SPOPL: variants seen among roughly 807,000 people sequenced by gnomAD.
SPOPL encodes the protein speckle type BTB/POZ protein like, also known as speckle-type POZ protein-like.
A neutral mutation model predicts 53.8 loss-of-function variants in SPOPL; 23 were observed. The observed-to-expected ratio is 0.43, with a 90% CI of 0.31 to 0.61. The LOEUF is 0.61. Ranked by LOEUF, SPOPL falls within the 20% of genes least tolerant of loss-of-function variation. The pLI is 0.12. For synonymous variants in SPOPL, 164 were observed against 149.7 expected (o/e 1.10, Z -0.70); for missense variants, 442 against 466.9 (o/e 0.95, Z 0.49).
intron 1 of SPOPL, among the ~76,000 whole-genome samples, chr2:138,542,891 G>A (rs913432656): frequency 1.3e-5 from 2 of 152,126 alleles, no homozygotes; most frequent in African/African-American, 4.8e-5. Flanking sequence ...TCCTTTCCAT[G>A]TTTAGCGCTT....
intron 5 of SPOPL, among the ~76,000 whole-genome samples, chr2:138,556,866 A>G (rs908981427): frequency 6.6e-6 from 1 of 152,168 alleles, no homozygotes; most frequent in Non-Finnish European, 1.5e-5. Flanking sequence ...CCGTAAAGAA[A>G]GGAATCTGGG....
chr2:138,545,728 C>T (rs545618201), intron 1 of SPOPL, among the ~76,000 whole-genome samples: 10 of 152,226 alleles, frequency 6.6e-5, no homozygotes, highest in East Asian at 5.8e-4. Context: ...CGTGAGCCAC[C>T]GCGCCCGGCC....
intron 8 of SPOPL, among the ~76,000 whole-genome samples, chr2:138,563,657 C>T (rs868112335): frequency 7.9e-5 from 12 of 152,132 alleles, no homozygotes; most frequent in Non-Finnish European, 1.5e-4. Context: ...TTAGGGCTCT[C>T]GTGTGCTGTT....
At chr2:138,565,594 A>G (rs576379738) in intron 10 of SPOPL, among the ~76,000 whole-genome samples, 1 of 152,100 alleles carries the variant, frequency 6.6e-6, no homozygotes, top group South Asian at 2.1e-4. Flanking sequence ...TGACTTTTAT[A>G]TTCTTTGTTA....
At chr2:138,554,530 A>T (rs1685381500) in intron 5 of SPOPL, 19 of 1,283,844 alleles carry the variant, frequency 1.5e-5, no homozygotes, top group Non-Finnish European at 1.9e-5. Context: ...GTGGTGCTGT[A>T]GACAGGTAAG....
At chr2:138,505,594 TAA>T (rs1169614974) in intron 1 of SPOPL, among the ~76,000 whole-genome samples, 25 of 75,082 alleles carry the variant, frequency 3.3e-4, no homozygotes, top group African/African-American at 1.1e-3. Flanking sequence ...GTGTCTCTTC[TAA>T]AAAAAAAAAA....
chr2:138,550,447 G>A (rs550901350), intron 2 of SPOPL, 36 bp from the exon 3 acceptor site: 16 of 1,596,314 alleles, frequency 1.0e-5, no homozygotes, highest in East Asian at 9.0e-5. Flanking sequence ...AAGTATTACC[G>A]TCATCATTAT....
At chr2:138,558,316 C>A (rs954260091) in intron 5 of SPOPL, among the ~76,000 whole-genome samples, 1 of 151,940 alleles carries the variant, frequency 6.6e-6, no homozygotes, top group African/African-American at 2.4e-5. Context: ...GTAATCATAC[C>A]TTTTATTGAT....
chr2:138,532,450 A>G (rs569227230), intron 1 of SPOPL, among the ~76,000 whole-genome samples: 2 of 116,588 alleles, frequency 1.7e-5, no homozygotes, highest in East Asian at 2.7e-4. Flanking sequence ...TTTTTGAGAT[A>G]GAATCTCGCT....
At position 138,565,883 on chromosome 2, in the gene SPOPL, G is replaced by T. The variant is rs536350551; in HGVS notation, c.1034+890G>T. 2.6e-5 allele frequency among the ~76,000 whole-genome samples: 4 copies of T among 151,818 alleles called. No individual in the cohort carries two copies. The South Asian group carries it at 8.3e-4, about 32-fold the overall frequency. On this transcript the variant is annotated intron_variant, in intron 10 of 10. Transcript: ENST00000280098. The stretch of plus-strand genomic sequence containing the variant: ...CAAGTAGCTGGAACTACAGGCGCCC[G>T]CCACCACACCTGGCTCATTTTTTTG...
intron 1 of SPOPL, among the ~76,000 whole-genome samples, chr2:138,538,645 C>A (rs1161069736): frequency 6.6e-6 from 1 of 152,100 alleles, no homozygotes; most frequent in Non-Finnish European, 1.5e-5. Flanking sequence ...TGGATCACTT[C>A]TTCAGTGCTT....
intron 1 of SPOPL, among the ~76,000 whole-genome samples, chr2:138,530,883 C>T (rs1481484313): frequency 6.6e-6 from 1 of 151,340 alleles, no homozygotes; most frequent in East Asian, 1.9e-4. Context: ...GGTCTTCTTG[C>T]CTCATTCCCG....
chr2:138,559,743 A>G (rs1685504771), intron 7 of SPOPL, among the ~76,000 whole-genome samples: 1 of 152,186 alleles, frequency 6.6e-6, no homozygotes, highest in East Asian at 1.9e-4. Context: ...ATTATTGTAT[A>G]CCAACTGTAA....
chr2:138,511,608 A>AT (rs1411135913), intron 1 of SPOPL, among the ~76,000 whole-genome samples: 9 of 152,176 alleles, frequency 5.9e-5, no homozygotes, highest in Non-Finnish European at 1.2e-4. Flanking sequence ...ATGGATTATT[A>AT]TTTTATGTAC....
Position 138,550,297 on chromosome 2 carries a change from A to G in SPOPL, c.78+3A>G, listed in dbSNP as rs529281248. ...CAGAAAGCTGGTGTTACACACAGGT[A>G]CATGCTCTTAAAAATCCCTCACTTT... On this transcript the variant is annotated splice_donor_region_variant and intron_variant, in intron 2 of 10. Transcript: ENST00000280098. 1.9e-5 allele frequency: 31 copies of G among 1,613,584 alleles called. No homozygotes were observed. In the Admixed American group the frequency reaches 4.3e-4, roughly 23 times the overall value.
At chr2:138,508,999 G>T (rs1013666452) in intron 1 of SPOPL, among the ~76,000 whole-genome samples, 1 of 152,048 alleles carries the variant, frequency 6.6e-6, no homozygotes, top group African/African-American at 2.4e-5. Flanking sequence ...AAGAGGTCAG[G>T]ATAATTATTA....
At chr2:138,546,515 G>A (rs1251344585) in intron 1 of SPOPL, among the ~76,000 whole-genome samples, 1 of 152,184 alleles carries the variant, frequency 6.6e-6, no homozygotes, top group Admixed American at 6.5e-5. Context: ...GACTTTGGGA[G>A]ATCTTTGTCT....
rs886438425 is a variant in SPOPL, at chr2:138,521,885, G to A, written c.-61+19766G>A. On this transcript the variant is annotated intron_variant, in intron 1 of 10. Transcript: ENST00000280098. The stretch of plus-strand genomic sequence containing the variant: ...AGCATAGTACCCAAGTAAAATGGAA[G>A]ACTTATTCAGAGATGGAGGACAAAT... 2.6e-5 allele frequency among the ~76,000 whole-genome samples: 4 copies of A among 152,282 alleles called. 1 individual carries two copies. The highest frequency in any genetic ancestry group is 9.6e-5 in the African/African-American group (4 of 41,562).
At chr2:138,548,691 T>C (rs1685249381) in intron 1 of SPOPL, among the ~76,000 whole-genome samples, 1 of 152,138 alleles carries the variant, frequency 6.6e-6, no homozygotes, top group Non-Finnish European at 1.5e-5. Flanking sequence ...AAATTAGTTA[T>C]ATGTGCTATA....
Sources: allele counts gnomAD v4.1 joint callset (sites outside exome capture counted in the v4.1 genomes callset), GRCh38; gene constraint gnomAD v4.1.1; transcripts MANE v1.5; gene names NCBI Gene and HGNC (gene_info 2026-07-23, HGNC 2026-07-21).